FGD6: variants seen among roughly 807,000 people sequenced by gnomAD.
The protein encoded by FGD6 is FYVE, RhoGEF and PH domain-containing protein 6.
A neutral mutation model predicts 149.4 loss-of-function variants in FGD6; 90 were observed. The ratio of observed to expected loss-of-function variants is 0.60; its 90% CI spans 0.51 to 0.72. The LOEUF (loss-of-function observed/expected upper bound fraction) is 0.72, where lower values mean the gene tolerates loss of function less well. FGD6 is among the 30% of genes least tolerant of loss of function. The pLI is 0.00. For synonymous variants in FGD6, 527 were observed against 584.0 expected (o/e 0.90, Z 1.41); for missense variants, 1,437 against 1,684.8 (o/e 0.85, Z 2.57).
At chr12:95,116,112 T>C (rs1263236786) in intron 8 of FGD6, among the ~76,000 whole-genome samples, 3 of 152,204 alleles carry the variant, frequency 2.0e-5, no homozygotes, top group Non-Finnish European at 4.4e-5. Flanking sequence ...ATAAGTTATA[T>C]GTTACACTTA....
intron 8 of FGD6, among the ~76,000 whole-genome samples, chr12:95,120,293 ATTCTT>A (rs201317466): frequency 0.012 from 1,878 of 151,744 alleles, 14 homozygotes; most frequent in Middle Eastern, 0.041. Flanking sequence ...CATATTTCAG[ATTCTT>A]TTCTTGGGAT....
Position 95,105,072 on chromosome 12 carries a change from G to A in FGD6, c.3432C>T (p.Thr1144=), listed in dbSNP as rs765423042. The A allele has an allele frequency of 5.0e-6, 8 of 1,610,664 alleles. No homozygotes were observed. The highest frequency in any genetic ancestry group is 3.3e-5 in the South Asian group (3 of 89,992). Residue 1144 remains threonine (T), a synonymous_variant, in exon 14 of 21, where the codon ACC becomes ACT. Transcript: ENST00000343958. ...TTAATTCATTCTGATAGGCTTCTTG[G>A]GTAGGTTTTCTGACCTGGAAGAAAG... The part of the protein sequence containing the change: ...SLAGMKVRKP[T]QEAYQNELKI...
intron 14 of FGD6, among the ~76,000 whole-genome samples, chr12:95,102,607 G>A (rs935700108): frequency 2.0e-5 from 3 of 152,060 alleles, no homozygotes; most frequent in South Asian, 2.1e-4. Context: ...TGCTAGCTGC[G>A]AAGCATTTGA....
chr12:95,161,973 T>G (rs1565912650), intron 3 of FGD6, among the ~76,000 whole-genome samples: 1 of 151,730 alleles, frequency 6.6e-6, no homozygotes, highest in Non-Finnish European at 1.5e-5. Context: ...AAGTAGGTGT[T>G]AGAAGAAGGA....
At chr12:95,175,187 C>G (rs1881099847) in intron 2 of FGD6, among the ~76,000 whole-genome samples, 1 of 152,076 alleles carries the variant, frequency 6.6e-6, no homozygotes, top group African/African-American at 2.4e-5. Context: ...TCTTCTGAAT[C>G]CTTTAACTAT....
At chr12:95,159,849 A>T (rs1880585008) in intron 3 of FGD6, among the ~76,000 whole-genome samples, 1 of 152,158 alleles carries the variant, frequency 6.6e-6, no homozygotes. Flanking sequence ...ATAAAAAAAT[A>T]AAAAACAATT....
In FGD6 at chr12:95,141,393, C is replaced by T; in HGVS notation, c.2832G>A (p.Leu944=). The T allele has an allele frequency of 6.2e-7, 1 of 1,613,728 alleles. No homozygotes were observed. Among genetic ancestry groups the T allele is most frequent in the African/African-American group, 1.3e-5 (1 of 75,022 alleles). ...TGAAAACGGTCCATTTTTACCAGTG[C>T]AACATTCTTTCCTCCAGTTCCTTCA... ...DLLKELEERM[L]HWTEQQRIAD... The change falls in exon 6 of 21, where the codon TTG becomes TTA. Residue 944 remains leucine, a synonymous_variant. Coordinates refer to ENST00000343958, the MANE Select transcript of FGD6 (RefSeq NM_018351.4).
Position 95,172,617 on chromosome 12 carries a change from G to T in FGD6, c.2569C>A (p.Pro857Thr). 1 of 1,608,102 alleles carries T rather than the reference G, an allele frequency of 6.2e-7. No homozygotes were observed. Among genetic ancestry groups the T allele is most frequent in the Non-Finnish European group, 8.5e-7 (1 of 1,176,580 alleles). ...AAGTATACCTGTTTATCTTCCAGTG[G>T]GTCAGGCTCTCCTTTACTTGACTCA... ...SSESSKGEPD[P>T]LEDKQDEDNG... The change falls in exon 3 of 21, where the codon CCA becomes ACA. Residue 857 changes from proline to threonine, a missense_variant. Around this residue, in one of 2 missense-constraint regions of FGD6, gnomAD observed 1,055 missense variants for 1,146.0 expected, o/e 0.92. Transcript: ENST00000343958.
chr12:95,105,621 C>A (rs1378711779), intron 13 of FGD6, among the ~76,000 whole-genome samples: 1 of 152,256 alleles, frequency 6.6e-6, no homozygotes, highest in Non-Finnish European at 1.5e-5. Context: ...AACTTATCTT[C>A]ATATCTTCCA....
chr12:95,121,589 A>G (rs1879194196), intron 8 of FGD6, among the ~76,000 whole-genome samples: 1 of 149,678 alleles, frequency 6.7e-6, no homozygotes, highest in South Asian at 2.1e-4. Context: ...CAGTTTTATA[A>G]TTCTTCATAT....
intron 18 of FGD6, among the ~76,000 whole-genome samples, chr12:95,086,534 TTC>T (rs1555215816): frequency 1.9e-4 from 29 of 149,312 alleles, no homozygotes; most frequent in African/African-American, 6.4e-4. Context: ...GATTTTTTTT[TTC>T]TTTTTTTTTT....
intron 2 of FGD6, among the ~76,000 whole-genome samples, chr12:95,177,907 C>T (rs1301418627): frequency 2.7e-5 from 2 of 73,688 alleles, no homozygotes; most frequent in Admixed American, 3.5e-4. Context: ...TTTTAAACAA[C>T]AATTTATTTA....
At chr12:95,118,141 A>C (rs1389133685) in intron 8 of FGD6, among the ~76,000 whole-genome samples, 1 of 152,126 alleles carries the variant, frequency 6.6e-6, no homozygotes, top group African/African-American at 2.4e-5. Flanking sequence ...ACTTGAGGTC[A>C]GGAGTTTGAG....
At chr12:95,122,837 T>C (rs191954084) in intron 8 of FGD6, among the ~76,000 whole-genome samples, 62 of 151,812 alleles carry the variant, frequency 4.1e-4, no homozygotes, top group African/African-American at 1.5e-3. Context: ...ATCCCAGCAC[T>C]TTGGGAGGCC....
chr12:95,217,266 C>T lies in FGD6; in HGVS notation c.-26G>A, dbSNP rs758417448. 1 of 1,602,542 alleles carries T rather than the reference C, an allele frequency of 6.2e-7. No homozygotes were observed. The highest frequency in any genetic ancestry group is 8.5e-7 in the Non-Finnish European group (1 of 1,172,250). Reference sequence around the variant, plus strand: ...GATTCCCCGGTGCAGCTCGCTTCCCCGCTCGGCCCCTCAATCCATCTTCCC... The same window carrying T: ...GATTCCCCGGTGCAGCTCGCTTCCCTGCTCGGCCCCTCAATCCATCTTCCC... On this transcript the variant is annotated 5_prime_UTR_variant, in exon 1 of 21. Transcript: ENST00000343958.
intron 2 of FGD6, among the ~76,000 whole-genome samples, chr12:95,188,798 CAA>C: frequency 6.9e-6 from 1 of 144,102 alleles, no homozygotes. Context: ...TCCTTAAAAA[CAA>C]CTTTTTTTTT....
At chr12:95,185,191 G>A (rs541488571) in intron 2 of FGD6, among the ~76,000 whole-genome samples, 2 of 152,034 alleles carry the variant, frequency 1.3e-5, no homozygotes, top group African/African-American at 4.8e-5. Context: ...TTAATCCCAC[G>A]CATCAGTGAG....
chr12:95,097,688 C>A (rs1309134205), intron 14 of FGD6, among the ~76,000 whole-genome samples: 1 of 143,286 alleles, frequency 7.0e-6, no homozygotes. Context: ...ACTACATGGA[C>A]TAACTGCAGG....
At chr12:95,084,402 G>A (rs1877791493) in intron 20 of FGD6, 96 bp downstream of exon 20, 2 of 987,072 alleles carry the variant, frequency 2.0e-6, no homozygotes, top group South Asian at 4.7e-5. Context: ...TGTAAATTTT[G>A]AGTTGTCCCC....
Sources: gnomAD v4.1 joint callset for allele counts (sites outside exome capture counted in the v4.1 genomes callset) on GRCh38, gnomAD v4.1.1 for gene constraint, gnomAD v4.1.1 regional missense constraint, MANE v1.5 for transcripts, NCBI Gene and HGNC (gene_info 2026-07-23, HGNC 2026-07-21) for gene names.